PDCD6IP: variants seen among roughly 807,000 people sequenced by gnomAD.
PDCD6IP encodes programmed cell death 6-interacting protein.
Under a neutral mutation model 103.7 loss-of-function variants are expected in PDCD6IP, and 43 were observed. The observed-to-expected ratio is 0.41, with a 90% CI of 0.32 to 0.53. The LOEUF is 0.53. PDCD6IP is among the 20% of genes least tolerant of loss of function. The pLI is 0.16. For synonymous variants in PDCD6IP, 354 were observed against 378.7 expected, an observed-to-expected ratio of 0.93 and a Z score of 0.76; for missense variants, 871 against 1,036.7, an observed-to-expected ratio of 0.84 and a Z score of 2.20.
At chr3:33,848,599 T>G (rs1418923869) in intron 12 of PDCD6IP, among the ~76,000 whole-genome samples, 1 of 152,148 alleles carries the variant, frequency 6.6e-6, no homozygotes, top group Non-Finnish European at 1.5e-5. Flanking sequence ...GAGACGGGGT[T>G]TCACCATGTT....
intron 15 of PDCD6IP, among the ~76,000 whole-genome samples, chr3:33,863,240 A>G (rs1168216755): frequency 6.6e-6 from 1 of 152,218 alleles, no homozygotes; most frequent in East Asian, 1.9e-4. Flanking sequence ...AATCAAGGCA[A>G]TTAGGATATT....
Position 33,816,006 on chromosome 3 carries a change from C to T in PDCD6IP, c.334+2378C>T, listed in dbSNP as rs536742015. ...TGAGGTTGAGAAAAAGCTTTCATAT[C>T]TTACAGGAACCAGGGTAAAATAGAG... On this transcript the variant is annotated intron_variant, in intron 3 of 17. Coordinates refer to ENST00000307296, the MANE Select transcript of PDCD6IP (RefSeq NM_013374.6). Among the ~76,000 whole-genome samples, 3 of 152,264 alleles carry T rather than the reference C, an allele frequency of 2.0e-5. No homozygotes were observed. The East Asian group carries it at 5.8e-4, about 29-fold the overall frequency.
chr3:33,800,602 T>C (rs1300773162), intron 1 of PDCD6IP, among the ~76,000 whole-genome samples: 1 of 152,234 alleles, frequency 6.6e-6, no homozygotes, highest in Non-Finnish European at 1.5e-5. Flanking sequence ...ATCATTAGTC[T>C]AATAGCATAA....
chr3:33,859,240 C>G (rs966663280), intron 15 of PDCD6IP, among the ~76,000 whole-genome samples: 2 of 152,056 alleles, frequency 1.3e-5, no homozygotes, highest in East Asian at 3.9e-4. Context: ...GTGGACCAAA[C>G]TTGAAATTTG....
chr3:33,852,220 C>T (rs1158378027), intron 12 of PDCD6IP, among the ~76,000 whole-genome samples: 1 of 152,150 alleles, frequency 6.6e-6, no homozygotes, highest in African/African-American at 2.4e-5. Context: ...AATTATATTT[C>T]TGAAGTGTTT....
chr3:33,807,382 C>G (rs1466655746), intron 1 of PDCD6IP, among the ~76,000 whole-genome samples: 1 of 152,198 alleles, frequency 6.6e-6, no homozygotes, highest in African/African-American at 2.4e-5. Context: ...TCCATTCTCC[C>G]CTTTGCTTCT....
chr3:33,845,497 G>A lies in PDCD6IP; in HGVS notation c.1550G>A (p.Arg517His), dbSNP rs753688301. 1.2e-6 allele frequency: 2 copies of A among 1,613,758 alleles called. No individual in the cohort carries two copies. The highest frequency in any genetic ancestry group is 2.2e-5 in the East Asian group (1 of 44,890). ...GQVKECYQSH[R>H]DTIVLLCKPE... ...GTGAAAGAATGTTACCAGTCTCATC[G>A]TGACACCATCGTGCTTTTGTGTAAG... The change falls in exon 12 of 18, where the codon CGT becomes CAT. Residue 517 changes from arginine to histidine, a missense_variant. Arg to His is a conservative substitution (Grantham distance 29). Coordinates refer to ENST00000307296, the MANE Select transcript of PDCD6IP (RefSeq NM_013374.6).
At chr3:33,803,107 A>C (rs1696512691) in intron 1 of PDCD6IP, among the ~76,000 whole-genome samples, 1 of 152,052 alleles carries the variant, frequency 6.6e-6, no homozygotes, top group Non-Finnish European at 1.5e-5. Flanking sequence ...GTCCATGTTC[A>C]TGTACATCTT....
At chr3:33,820,867 C>T (rs185768824) in intron 3 of PDCD6IP, among the ~76,000 whole-genome samples, 325 of 152,228 alleles carry the variant, frequency 2.1e-3, no homozygotes, top group African/African-American at 7.3e-3. Flanking sequence ...CATGGGCATA[C>T]GTATATCTCT....
Position 33,798,711 on chromosome 3 carries a change from G to A in PDCD6IP, c.-18G>A, listed in dbSNP as rs1373276772. On this transcript the variant is annotated 5_prime_UTR_variant, in exon 1 of 18. Transcript: ENST00000307296. Reference sequence around the variant, plus strand: ...GTCCGCGGTCTGTTTGGCCCGAACGGCGGCGGAGGCGCTGATCATGGCGAC... The same window carrying A: ...GTCCGCGGTCTGTTTGGCCCGAACGACGGCGGAGGCGCTGATCATGGCGAC... 3.9e-6 allele frequency: 6 copies of A among 1,535,850 alleles called. No individual in the cohort carries two copies. The Admixed American group carries it at 9.8e-5, about 25-fold the overall frequency.
At chr3:33,816,693 G>A (rs1696861908) in intron 3 of PDCD6IP, among the ~76,000 whole-genome samples, 1 of 152,006 alleles carries the variant, frequency 6.6e-6, no homozygotes, top group African/African-American at 2.4e-5. Flanking sequence ...AGATTGAGGG[G>A]TGAATGGGAG....
rs562748731 is a variant in PDCD6IP at position 33,799,009 on chromosome 3, C to A, written c.209+72C>A. ...CGCCGCTCCTCTTCCCGTCTCCCCC[C>A]TTCCTTCAATCCTGTAACCTGGGCG... On this transcript the variant is annotated intron_variant, in intron 1 of 17. Transcript: ENST00000307296. The A allele has an allele frequency of 6.7e-6, 9 of 1,340,926 alleles. No individual in the cohort carries two copies. In the African/African-American group the frequency reaches 1.2e-4, roughly 17 times the overall value. 83.1% of individuals were successfully genotyped at this position (1,340,926 alleles called of 1,614,324 possible).
chr3:33,856,596 C>G (rs1697834228), intron 15 of PDCD6IP, among the ~76,000 whole-genome samples: 1 of 152,098 alleles, frequency 6.6e-6, no homozygotes, highest in Non-Finnish European at 1.5e-5. Context: ...TACTCAAGAA[C>G]ATTTTCTTAA....
At chr3:33,808,446 C>CAT (rs765127091) in intron 1 of PDCD6IP, among the ~76,000 whole-genome samples, 18 of 152,206 alleles carry the variant, frequency 1.2e-4, no homozygotes, top group Admixed American at 6.5e-4. Flanking sequence ...ACCTGGCTGA[C>CAT]GTGTGTATGT....
chr3:33,844,898 A>T (rs1697558069), intron 11 of PDCD6IP, among the ~76,000 whole-genome samples: 1 of 151,750 alleles, frequency 6.6e-6, no homozygotes, highest in South Asian at 2.1e-4. Context: ...AGTTATTTTG[A>T]GGCCAAATTT....
Position 33,836,173 on chromosome 3 carries a change from C to G in PDCD6IP, c.964C>G (p.Arg322Gly), listed in dbSNP as rs757693835. 16 of 1,612,814 alleles carry G rather than the reference C, an allele frequency of 9.9e-6. No individual in the cohort carries two copies. Among genetic ancestry groups the G allele is most frequent in the Non-Finnish European group, 1.4e-5 (16 of 1,178,840 alleles). Residue 322 changes from arginine (R) to glycine (G), a missense_variant, in exon 8 of 18, where the codon CGA (arginine) becomes GGA (glycine). Around this residue, in one of 5 missense-constraint regions of PDCD6IP, gnomAD observed 242 missense variants for 250.7 expected, o/e 0.97. Transcript: ENST00000307296. ...GGATAATGACTTCATTTATCATGAT[C>G]GAGTTCCAGACCTTAAAGATCTAGA... ...KKDNDFIYHDRVPDLKDLDPI... is the reference protein window; with the variant it reads ...KKDNDFIYHDGVPDLKDLDPI...
intron 11 of PDCD6IP, among the ~76,000 whole-genome samples, chr3:33,845,064 C>G (rs1397718460): frequency 5.3e-5 from 8 of 150,060 alleles, no homozygotes; most frequent in African/African-American, 1.7e-4. Context: ...TCACATTGCT[C>G]TTTTGACAGA....
chr3:33,799,204 G>T, intron 1 of PDCD6IP: 1 of 551,472 alleles, frequency 1.8e-6, no homozygotes, highest in Non-Finnish European at 3.2e-6. Context: ...GGGAGCAGCA[G>T]TCTGCCCTGT....
intron 1 of PDCD6IP, chr3:33,811,029 G>A (rs1344180817): frequency 1.3e-5 from 5 of 394,426 alleles, no homozygotes; most frequent in Admixed American, 7.9e-5. Flanking sequence ...GGGACCACAG[G>A]TGTGCGCCAC....
Sources: allele counts gnomAD v4.1 joint callset (sites outside exome capture counted in the v4.1 genomes callset), GRCh38; gene constraint gnomAD v4.1.1; regional missense constraint gnomAD v4.1.1; transcripts MANE v1.5; gene names NCBI Gene and HGNC (gene_info 2026-07-23, HGNC 2026-07-21).